ADGRA2: variants seen among roughly 807,000 people sequenced by gnomAD.
ADGRA2 encodes the protein G-protein coupled receptor 124.
A neutral mutation model predicts 98.7 loss-of-function variants in ADGRA2; 61 were observed. That is an observed-to-expected ratio of 0.62 (90% CI 0.50 to 0.76). The LOEUF (loss-of-function observed/expected upper bound fraction) is 0.76. Ranked by LOEUF, ADGRA2 falls within the 30% of genes least tolerant of loss-of-function variation. The pLI is 0.00. For synonymous variants in ADGRA2, 858 were observed against 831.5 expected (o/e 1.03, Z -0.55); for missense variants, 1,712 against 1,860.0 (o/e 0.92, Z 1.46).
At chr8:37,799,535 C>T (rs753114247) in intron 1 of ADGRA2, among the ~76,000 whole-genome samples, 10 of 152,002 alleles carry the variant, frequency 6.6e-5, no homozygotes, top group Non-Finnish European at 1.2e-4. Flanking sequence ...GTGGGGGAGG[C>T]GGTAGATAGA....
chr8:37,826,544 G>C (rs1308805888), intron 2 of ADGRA2, among the ~76,000 whole-genome samples: 2 of 152,092 alleles, frequency 1.3e-5, no homozygotes, highest in Admixed American at 1.3e-4. Flanking sequence ...CTTCTCCAGG[G>C]ACTTGGGGTC....
chr8:37,840,606 G>C (rs1805758966), intron 17 of ADGRA2, among the ~76,000 whole-genome samples, 154 bp from the exon 18 acceptor site: 1 of 152,186 alleles, frequency 6.6e-6, no homozygotes, highest in Non-Finnish European at 1.5e-5. Flanking sequence ...AGTCCAAGTA[G>C]TCCCTGCAGG....
rs575966255 is a variant in ADGRA2 at position 37,829,114 on chromosome 8, C to T, written c.411-147C>T. The T allele has an allele frequency of 4.9e-5, 38 of 776,596 alleles. No homozygotes were observed. In the African/African-American group the frequency reaches 5.6e-4, roughly 11 times the overall value. The allele number at this position is 776,596 out of a possible 1,614,324, so 48.1% of individuals were successfully genotyped here. On this transcript the variant is annotated intron_variant, in intron 3 of 18. Transcript: ENST00000412232. The stretch of plus-strand genomic sequence containing the variant: ...GCTGGGGTCAAAGGAGCTGGCATTT[C>T]CAGTCCAGCTGCGGCCTGGCCCCAA...
intron 2 of ADGRA2, among the ~76,000 whole-genome samples, chr8:37,816,281 C>A (rs549375661): frequency 6.7e-6 from 1 of 148,634 alleles, no homozygotes; most frequent in Non-Finnish European, 1.5e-5. Context: ...CAGAGTAAGG[C>A]CCTGTCTCTT....
At chr8:37,829,357 G>T (rs1805386951) in intron 4 of ADGRA2, 25 bp downstream of exon 4, 2 of 1,594,362 alleles carry the variant, frequency 1.3e-6, no homozygotes, top group Non-Finnish European at 8.6e-7. Context: ...GAGAAGTGGG[G>T]AGGGGAGGAG....
In ADGRA2 at chr8:37,834,713, G is replaced by A. The variant is rs560518976; in HGVS notation, c.1609-461G>A. Among the ~76,000 whole-genome samples the A allele has an allele frequency of 6.6e-6, 1 of 152,238 alleles. No homozygotes were observed. Among genetic ancestry groups the A allele is most frequent in the Admixed American group, 6.5e-5 (1 of 15,294 alleles). Reference sequence around the variant, plus strand: ...GTTGGAGACCAGCCTGGGCAACAGAGAGACCTGGTCTCCACAAAAAATACA... The same window carrying A: ...GTTGGAGACCAGCCTGGGCAACAGAAAGACCTGGTCTCCACAAAAAATACA... On this transcript the variant is annotated intron_variant, in intron 11 of 18. Coordinates refer to ENST00000412232, the MANE Select transcript of ADGRA2 (RefSeq NM_032777.10). This position sits in a 1 kb window ranked among gnomAD's most constrained non-coding sequence, Gnocchi z 4.2.
chr8:37,841,920 G>C lies in ADGRA2; in HGVS notation c.3582G>C (p.Glu1194Asp). The part of the protein sequence containing the change: ...KSRAKGHRAG[E>D]ACGKNRLKAL... ...GGGCCAAGGGACACCGCGCGGGGGA[G>C]GCCTGCGGCAAGAACCGGCTCAAGG... is the stretch of plus-strand genomic sequence containing the variant. The change falls in exon 19 of 19, where the codon GAG (glutamate) becomes GAC (aspartate). Residue 1194 changes from glutamate (E) to aspartate (D), a missense_variant. Glu to Asp is a conservative substitution (Grantham distance 45). Transcript: ENST00000412232. This position sits in a 1 kb window ranked among gnomAD's most constrained non-coding sequence, Gnocchi z 5.0. 6.6e-7 allele frequency: 1 copy of C among 1,524,492 alleles called. No homozygotes were observed. The highest frequency in any genetic ancestry group is 8.7e-7 in the Non-Finnish European group (1 of 1,143,120). 94.4% of individuals were successfully genotyped at this position (1,524,492 alleles called of 1,614,324 possible).
In ADGRA2 at chr8:37,797,421, C is replaced by A. The variant is rs773883917; in HGVS notation, c.153C>A (p.Pro51=). The change falls in exon 1 of 19, where the codon CCC becomes CCA. Residue 51 remains proline, a synonymous_variant. Coordinates refer to ENST00000412232, the MANE Select transcript of ADGRA2 (RefSeq NM_032777.10). The surrounding 1 kb of genome is among the most constrained non-coding windows in gnomAD (Gnocchi z 5.3). ...IRSCKCSGER[P]KGLSGGVPGP... ...GCTGCAAGTGCTCGGGGGAGCGGCCCAAGGGGCTGAGCGGCGGCGTCCCTG... is the reference window on the plus strand; with the variant it reads ...GCTGCAAGTGCTCGGGGGAGCGGCCAAAGGGGCTGAGCGGCGGCGTCCCTG... 1 of 1,428,642 alleles carries A rather than the reference C, an allele frequency of 7.0e-7. No homozygotes were observed. The allele number at this position is 1,428,642 out of a possible 1,614,324, so 88.5% of individuals were successfully genotyped here.
rs759478704 is a variant in ADGRA2 at position 37,829,279 on chromosome 8, G to C, written c.429G>C (p.Arg143=). Reference sequence around the variant, plus strand: ...TCTCTAGAGATCTCTCCAACAACCGGATTGGCTGTCTCACCTCCGAGACCT... The same window carrying C: ...TCTCTAGAGATCTCTCCAACAACCGCATTGGCTGTCTCACCTCCGAGACCT... ...ELKRLDLSNN[R]IGCLTSETFQ... Residue 143 remains arginine (R), a synonymous_variant, in exon 4 of 19, where the codon CGG becomes CGC. Transcript: ENST00000412232. 1 of 1,613,534 alleles carries C rather than the reference G, an allele frequency of 6.2e-7. No homozygotes were observed. Among genetic ancestry groups the C allele is most frequent in the South Asian group, 1.1e-5 (1 of 91,042 alleles).
rs1408970036 is a variant in ADGRA2, at chr8:37,837,861, G to A, written c.2181G>A (p.Glu727=). 4 of 1,506,260 alleles carry A rather than the reference G, an allele frequency of 2.7e-6. No individual in the cohort carries two copies. The highest frequency in any genetic ancestry group is 3.6e-6 in the Non-Finnish European group (4 of 1,126,476). 93.3% of individuals were successfully genotyped at this position (1,506,260 alleles called of 1,614,324 possible). A position where few individuals can be genotyped will look rare whatever the true frequency, so the allele number is the denominator to read the frequency against. ...GGGAGGCTGGGGGCTGGACCTCGGA[G>A]GGCTGCCAGCTCCGCTCCAGCCAGC... The part of the protein sequence containing the change: ...GPGEAGGWTS[E]GCQLRSSQPN... The change falls in exon 14 of 19, where the codon GAG becomes GAA. Residue 727 remains glutamate, a synonymous_variant. Coordinates refer to ENST00000412232, the MANE Select transcript of ADGRA2 (RefSeq NM_032777.10).
chr8:37,838,839 T>A, intron 14 of ADGRA2, 117 bp from the exon 15 acceptor site: 1 of 1,256,242 alleles, frequency 8.0e-7, no homozygotes, highest in African/African-American at 1.5e-5. Context: ...CCTGCCCAGA[T>A]GAACTAAGCA....
In ADGRA2 at chr8:37,842,497, C is replaced by A; in HGVS notation, c.*142C>A. On this transcript the variant is annotated 3_prime_UTR_variant, in exon 19 of 19. Coordinates refer to ENST00000412232, the MANE Select transcript of ADGRA2 (RefSeq NM_032777.10). ...AGGAAGCCCACAGGCGGATGTTCCC[C>A]ACTTGCCTAGAGGGCATCCCTCTGG... 7.5e-7 allele frequency: 1 copy of A among 1,327,566 alleles called. No homozygotes were observed. The highest frequency in any genetic ancestry group is 9.8e-7 in the Non-Finnish European group (1 of 1,023,076). The allele number at this position is 1,327,566 out of a possible 1,614,324, so 82.2% of individuals were successfully genotyped here.
intron 2 of ADGRA2, among the ~76,000 whole-genome samples, chr8:37,827,571 C>G (rs1298041863): frequency 6.6e-6 from 1 of 152,222 alleles, no homozygotes; most frequent in Admixed American, 6.5e-5. Context: ...CAGGCTTGGC[C>G]CCTGGGATCC....
In ADGRA2 at chr8:37,827,861, C is replaced by T. The variant is rs533113191; in HGVS notation, c.339-1027C>T. On this transcript the variant is annotated intron_variant, in intron 2 of 18. Transcript: ENST00000412232. Reference sequence around the variant, plus strand: ...TAAAAATACCCTCCTTGGCCAAGCGCGGTGGCTCACACCTGTAACCCCAGC... The same window carrying T: ...TAAAAATACCCTCCTTGGCCAAGCGTGGTGGCTCACACCTGTAACCCCAGC... Among the ~76,000 whole-genome samples, 160 of 152,334 alleles carry T rather than the reference C, an allele frequency of 1.1e-3. 3 individuals carry two copies. The highest frequency in any genetic ancestry group is 3.4e-3 in the Middle Eastern group (1 of 294).
rs1805432547 is a variant in ADGRA2 at position 37,830,834 on chromosome 8, G to A, written c.843G>A (p.Trp281Ter). 2 of 1,592,510 alleles carry A rather than the reference G, an allele frequency of 1.3e-6. No homozygotes were observed. Residue 281 changes from tryptophan (W) to a stop codon, truncating the protein, a stop_gained, in exon 7 of 19, where the codon TGG (tryptophan) becomes TGA (stop). Coordinates refer to ENST00000412232, the MANE Select transcript of ADGRA2 (RefSeq NM_032777.10). LOFTEE classifies it high-confidence loss of function. This position sits in a 1 kb window ranked among gnomAD's most constrained non-coding sequence, Gnocchi z 4.8. ...SYLGNDTRIR[W>*]YHNRAPVEGD... Reference sequence around the variant, plus strand: ...TGGGCAACGACACCCGCATCCGCTGGTACCACAACCGAGCCCCTGTGGAGG... The same window carrying A: ...TGGGCAACGACACCCGCATCCGCTGATACCACAACCGAGCCCCTGTGGAGG...
In ADGRA2 at chr8:37,802,134, C is replaced by T. The variant is rs1804526579; in HGVS notation, c.266+4600C>T. ...GTAGGGGAAGTTGAGGAAGATGGGC[C>T]TCAGGGAAGTGGTTCTTGAGCACAG... On this transcript the variant is annotated intron_variant, in intron 1 of 18. Transcript: ENST00000412232. The surrounding 1 kb of genome is among the most constrained non-coding windows in gnomAD (Gnocchi z 4.7). Among the ~76,000 whole-genome samples the T allele has an allele frequency of 6.6e-6, 1 of 152,180 alleles. No individual in the cohort carries two copies. The highest frequency in any genetic ancestry group is 2.4e-5 in the African/African-American group (1 of 41,434).
intron 2 of ADGRA2, among the ~76,000 whole-genome samples, chr8:37,826,360 C>T (rs1805282161): frequency 6.6e-6 from 1 of 152,106 alleles, no homozygotes; most frequent in Admixed American, 6.5e-5. Context: ...AGAGGGGCAC[C>T]CCTGGCAGCC....
chr8:37,832,119 CTT>C (rs35211276), intron 8 of ADGRA2, among the ~76,000 whole-genome samples: 2 of 146,182 alleles, frequency 1.4e-5, no homozygotes, highest in Non-Finnish European at 3.0e-5. Context: ...CAGAAAAAGA[CTT>C]TTTTTTTTTT....
intron 1 of ADGRA2, among the ~76,000 whole-genome samples, chr8:37,798,041 T>C (rs935281665): frequency 4.6e-5 from 7 of 152,158 alleles, no homozygotes; most frequent in African/African-American, 1.4e-4. Context: ...CCTTGCCCCC[T>C]GGCCTGCCAG....
Sources: gnomAD v4.1 joint callset for allele counts (sites outside exome capture counted in the v4.1 genomes callset) on GRCh38, gnomAD v4.1.1 for gene constraint, Gnocchi (gnomAD v3.1) non-coding constraint, MANE v1.5 for transcripts, NCBI Gene and HGNC (gene_info 2026-07-23, HGNC 2026-07-21) for gene names.